TEAD1: variants seen among roughly 807,000 people sequenced by gnomAD.
The protein encoded by TEAD1 is transcriptional enhancer factor TEF-1.
In TEAD1, 9 loss-of-function variants were observed where a neutral mutation model predicts 54.9. That is an observed-to-expected ratio of 0.16 (90% CI 0.10 to 0.29). TEAD1 has a LOEUF of 0.29. Ranked by LOEUF, TEAD1 falls within the 10% of genes least tolerant of loss-of-function variation. TEAD1 has a pLI of 1.00. For synonymous variants in TEAD1, 200 were observed against 187.8 expected (o/e 1.07, Z -0.53); for missense variants, 387 against 535.9 (o/e 0.72, Z 2.74).
At chr11:12,888,032 A>C (rs1169398562) in intron 9 of TEAD1, among the ~76,000 whole-genome samples, 1 of 152,202 alleles carries the variant, frequency 6.6e-6, no homozygotes, top group Non-Finnish European at 1.5e-5. Flanking sequence ...TAGTGCTGGC[A>C]AAAAAAGAAA....
intron 3 of TEAD1, among the ~76,000 whole-genome samples, chr11:12,802,906 A>C (rs1168337499): frequency 1.3e-5 from 2 of 151,988 alleles, no homozygotes; most frequent in Non-Finnish European, 2.9e-5. Context: ...AGCTTATCAC[A>C]CTGTTTACCT....
At chr11:12,699,626 G>A (rs1045583228) in intron 2 of TEAD1, among the ~76,000 whole-genome samples, 1 of 152,072 alleles carries the variant, frequency 6.6e-6, no homozygotes, top group Non-Finnish European at 1.5e-5. Context: ...TAAAACTAGT[G>A]TATCTGATTT....
At chr11:12,795,236 A>G (rs1945889783) in intron 3 of TEAD1, among the ~76,000 whole-genome samples, 1 of 152,040 alleles carries the variant, frequency 6.6e-6, no homozygotes, top group Non-Finnish European at 1.5e-5. Context: ...TTGTTGTCTC[A>G]TGGTATTCTC....
intron 3 of TEAD1, among the ~76,000 whole-genome samples, chr11:12,833,780 C>T (rs1296004735): frequency 2.6e-5 from 4 of 151,942 alleles, no homozygotes; most frequent in Non-Finnish European, 4.4e-5. Flanking sequence ...CTTTTTTGTA[C>T]TTAGTATGCT....
At chr11:12,927,398 C>T (rs1277070104) in intron 11 of TEAD1, among the ~76,000 whole-genome samples, 1 of 152,126 alleles carries the variant, frequency 6.6e-6, no homozygotes, top group Admixed American at 6.5e-5. Context: ...TCTATTCCAC[C>T]CACTATTTGT....
rs111400674 is a variant in TEAD1, at chr11:12,697,788, C to T, written c.-55+22227C>T. ...CCTGTAATCCCAGCACTTGGGAGGC[C>T]GAGGCGGGCGGATCACTAGAGCTCT... On this transcript the variant is annotated intron_variant, in intron 2 of 12. Transcript: ENST00000527636. 2.1e-3 allele frequency among the ~76,000 whole-genome samples: 313 copies of T among 152,224 alleles called. 1 individual carries two copies. Among genetic ancestry groups the T allele is most frequent in the Non-Finnish European group, 2.6e-3 (177 of 68,010 alleles).
At position 12,940,588 on chromosome 11, in the gene TEAD1, G is replaced by A. The variant is rs1056293982; in HGVS notation, c.*3366G>A. Reference sequence around the variant, plus strand: ...TCTGTTTCACAACAATTTCTCTCTCGCTACAAGTATTCTTTCACTCAGCAC... The same window carrying A: ...TCTGTTTCACAACAATTTCTCTCTCACTACAAGTATTCTTTCACTCAGCAC... On this transcript the variant is annotated 3_prime_UTR_variant, in exon 13 of 13. Coordinates refer to ENST00000527636, the MANE Select transcript of TEAD1 (RefSeq NM_021961.6). The A allele has an allele frequency of 1.3e-5, 2 of 152,050 alleles. No individual in the cohort carries two copies. The highest frequency in any genetic ancestry group is 2.9e-5 in the Non-Finnish European group (2 of 68,058). The allele number at this position is 152,050 out of a possible 1,614,324, so 9.4% of individuals were successfully genotyped here. A position where few individuals can be genotyped will look rare whatever the true frequency, so the allele number is the denominator to read the frequency against.
At chr11:12,833,440 G>A (rs1946823336) in intron 3 of TEAD1, among the ~76,000 whole-genome samples, 1 of 152,160 alleles carries the variant, frequency 6.6e-6, no homozygotes, top group Non-Finnish European at 1.5e-5. Flanking sequence ...AAGCAGAAGA[G>A]TGCTGTACCT....
chr11:12,933,613 C>T (rs1253946374), intron 12 of TEAD1, among the ~76,000 whole-genome samples: 4 of 151,882 alleles, frequency 2.6e-5, no homozygotes, highest in Admixed American at 2.6e-4. Context: ...ATTGGATCTG[C>T]CAGTGTGGAA....
chr11:12,840,135 T>C (rs967281139), intron 3 of TEAD1, among the ~76,000 whole-genome samples: 1 of 150,996 alleles, frequency 6.6e-6, no homozygotes, highest in African/African-American at 2.4e-5. Flanking sequence ...TAGTCCCAGC[T>C]ACTTGGGAGG....
At chr11:12,790,452 G>C (rs1305880828) in intron 3 of TEAD1, among the ~76,000 whole-genome samples, 2 of 152,200 alleles carry the variant, frequency 1.3e-5, no homozygotes, top group African/African-American at 4.8e-5. Flanking sequence ...GTAAATGATA[G>C]CTTAAATTTG....
At chr11:12,821,032 C>G (rs1946534333) in intron 3 of TEAD1, among the ~76,000 whole-genome samples, 1 of 152,144 alleles carries the variant, frequency 6.6e-6, no homozygotes, top group Non-Finnish European at 1.5e-5. Flanking sequence ...TTTGCCATGG[C>G]CTGTTCACCA....
rs548078113 is a variant in TEAD1, at chr11:12,749,660, G to C, written c.-54-14519G>C. On this transcript the variant is annotated intron_variant, in intron 2 of 12. Coordinates refer to ENST00000527636, the MANE Select transcript of TEAD1 (RefSeq NM_021961.6). ...CAGACATGAGCGCATCAGACTTTCTGTCCGTACCTCTCTTGGACTGGGCGT... is the reference window on the plus strand; with the variant it reads ...CAGACATGAGCGCATCAGACTTTCTCTCCGTACCTCTCTTGGACTGGGCGT... 5.3e-5 allele frequency among the ~76,000 whole-genome samples: 8 copies of C among 152,340 alleles called. No individual in the cohort carries two copies. The East Asian group carries it at 1.5e-3, about 29-fold the overall frequency.
At chr11:12,752,513 C>T (rs1020538251) in intron 2 of TEAD1, among the ~76,000 whole-genome samples, 5 of 152,074 alleles carry the variant, frequency 3.3e-5, no homozygotes, top group Non-Finnish European at 5.9e-5. Flanking sequence ...TATGAACGGA[C>T]GCAGACAGTA....
At chr11:12,826,611 G>C (rs185865625) in intron 3 of TEAD1, among the ~76,000 whole-genome samples, 5 of 152,238 alleles carry the variant, frequency 3.3e-5, no homozygotes, top group African/African-American at 1.2e-4. Context: ...ACCTCTTACC[G>C]GTTTTGCAAA....
chr11:12,936,071 A>C (rs4369386), intron 12 of TEAD1, among the ~76,000 whole-genome samples: 25,191 of 152,184 alleles, frequency 0.17, 2,344 homozygotes, highest in East Asian at 0.41. Context: ...CTCAAGTTCA[A>C]AATGTTTTCA....
chr11:12,821,966 T>TA (rs1469110086), intron 3 of TEAD1, among the ~76,000 whole-genome samples: 2 of 99,890 alleles, frequency 2.0e-5, no homozygotes, highest in Non-Finnish European at 4.1e-5. Context: ...TTTTCCTTTT[T>TA]TTTTTTTTTT....
At chr11:12,825,736 A>T (rs1355411714) in intron 3 of TEAD1, among the ~76,000 whole-genome samples, 1 of 152,202 alleles carries the variant, frequency 6.6e-6, no homozygotes, top group Non-Finnish European at 1.5e-5. Context: ...TAGGGGTCTT[A>T]TATTTCTTAG....
chr11:12,840,911 G>A (rs1290873636), intron 3 of TEAD1, among the ~76,000 whole-genome samples: 3 of 152,160 alleles, frequency 2.0e-5, no homozygotes, highest in African/African-American at 7.2e-5. Context: ...TGCCCTCCCT[G>A]TCCTTCAGCT....
Sources: allele counts gnomAD v4.1 joint callset (sites outside exome capture counted in the v4.1 genomes callset), GRCh38; gene constraint gnomAD v4.1.1; transcripts MANE v1.5; gene names NCBI Gene and HGNC (gene_info 2026-07-23, HGNC 2026-07-21).